MBOAT1: variants seen among roughly 807,000 people sequenced by gnomAD.
MBOAT1 encodes membrane-bound glycerophospholipid O-acyltransferase 1.
A neutral mutation model predicts 64.4 loss-of-function variants in MBOAT1; 67 were observed. The observed-to-expected ratio is 1.04, with a 90% confidence interval of 0.85 to 1.27. The LOEUF is 1.27. MBOAT1 is among the 50% of genes most tolerant of loss of function. The probability of loss-of-function intolerance (pLI) is 0.00; values close to 1 mark genes in which losing one functional copy is unlikely to be tolerated. For missense variants in MBOAT1, 563 were observed against 604.6 expected (o/e 0.93, Z 0.72); for synonymous variants, 229 against 218.9 (o/e 1.05, Z -0.41).
At chr6:20,183,069 C>G (rs1057393387) in intron 1 of MBOAT1, among the ~76,000 whole-genome samples, 3 of 152,176 alleles carry the variant, frequency 2.0e-5, no homozygotes, top group Non-Finnish European at 4.4e-5. Flanking sequence ...CTACTCCTCT[C>G]CAGAGAGGCC....
At chr6:20,108,231 C>T (rs1013099886) in intron 12 of MBOAT1, among the ~76,000 whole-genome samples, 3 of 152,200 alleles carry the variant, frequency 2.0e-5, no homozygotes, top group African/African-American at 4.8e-5. Flanking sequence ...ATTTCCAATG[C>T]TCAATGGCCA....
rs1759751744 is a variant in MBOAT1, at chr6:20,100,267, A to G, written c.*2019T>C. ...CTTCACTGTAATATGATTATTCCAC[A>G]TACTCCACACCAATGGTAATATTTA... On this transcript the variant is annotated 3_prime_UTR_variant, in exon 13 of 13. Coordinates refer to ENST00000324607, the MANE Select transcript of MBOAT1 (RefSeq NM_001080480.3). 6.6e-6 allele frequency among the ~76,000 whole-genome samples: 1 copy of G among 152,184 alleles called. No homozygotes were observed. The highest frequency in any genetic ancestry group is 1.9e-4 in the East Asian group (1 of 5,202).
intron 1 of MBOAT1, among the ~76,000 whole-genome samples, chr6:20,186,918 A>T (rs2113750293): frequency 6.6e-6 from 1 of 152,382 alleles, no homozygotes; most frequent in Middle Eastern, 3.4e-3. Context: ...AGCTTTAAGC[A>T]AAACCTACAG....
At chr6:20,107,794 A>C (rs112603565) in intron 12 of MBOAT1, among the ~76,000 whole-genome samples, 1,369 of 118,278 alleles carry the variant, frequency 0.012, 20 homozygotes, top group African/African-American at 0.052. Flanking sequence ...GGCTTACAGG[A>C]AAAAAAAAAA....
At chr6:20,187,457 C>A (rs1762685457) in intron 1 of MBOAT1, among the ~76,000 whole-genome samples, 2 of 152,226 alleles carry the variant, frequency 1.3e-5, no homozygotes, top group South Asian at 4.1e-4. Flanking sequence ...GGAGTGTGCC[C>A]CAGGGCAAGT....
intron 5 of MBOAT1, among the ~76,000 whole-genome samples, chr6:20,129,561 GAA>G (rs567181734): frequency 1.4e-5 from 2 of 140,048 alleles, no homozygotes; most frequent in African/African-American, 2.6e-5. Context: ...CACACACCAG[GAA>G]AAAAAAAAAA....
intron 4 of MBOAT1, among the ~76,000 whole-genome samples, chr6:20,143,286 C>T (rs1194155433): frequency 1.3e-5 from 2 of 152,214 alleles, no homozygotes; most frequent in Non-Finnish European, 2.9e-5. Context: ...CTCAGTTTTC[C>T]ATCCATAGTC....
chr6:20,116,108 G>T lies in MBOAT1; in HGVS notation c.1012-756C>A, dbSNP rs142048454. Among the ~76,000 whole-genome samples the T allele has an allele frequency of 2.5e-3, 375 of 152,222 alleles. 10 individuals are homozygous for T. The East Asian group carries it at 0.065, about 26-fold the overall frequency. On this transcript the variant is annotated intron_variant, in intron 9 of 12. Transcript: ENST00000324607. ...GCACTTTGGGAAGCCGAGGCAGGCC[G>T]ATCACCTGAGGTCAGGAGTTCAAGA...
At chr6:20,103,825 A>C (rs1759873938) in intron 12 of MBOAT1, among the ~76,000 whole-genome samples, 1 of 152,220 alleles carries the variant, frequency 6.6e-6, no homozygotes, top group African/African-American at 2.4e-5. Flanking sequence ...AGCTAAGGTT[A>C]ATTTATTATT....
intron 1 of MBOAT1, among the ~76,000 whole-genome samples, chr6:20,186,620 C>T (rs1762662664): frequency 6.6e-6 from 1 of 152,172 alleles, no homozygotes; most frequent in Admixed American, 6.5e-5. Flanking sequence ...CACTTTGGGG[C>T]AGAGTCCTGG....
intron 1 of MBOAT1, among the ~76,000 whole-genome samples, chr6:20,159,646 G>T (rs533986851): frequency 1.3e-5 from 2 of 152,174 alleles, no homozygotes; most frequent in Admixed American, 1.3e-4. Context: ...GGAAGAAAGG[G>T]GAGACATTGA....
intron 4 of MBOAT1, among the ~76,000 whole-genome samples, chr6:20,140,487 C>T (rs1044227681): frequency 2.6e-5 from 4 of 152,224 alleles, no homozygotes; most frequent in African/African-American, 9.6e-5. Context: ...GATCCACCCT[C>T]GTCAGTGTGG....
intron 2 of MBOAT1, 78 bp from the exon 3 acceptor site, chr6:20,151,340 A>C (rs1438180353): frequency 1.0e-6 from 1 of 994,514 alleles, no homozygotes; most frequent in Non-Finnish European, 1.6e-6. Flanking sequence ...AAAACTGTGA[A>C]TCCATCACTA....
chr6:20,193,624 T>TA (rs1176143654), intron 1 of MBOAT1, among the ~76,000 whole-genome samples: 4 of 149,316 alleles, frequency 2.7e-5, no homozygotes, highest in South Asian at 2.1e-4. Context: ...TTTTTTTTTT[T>TA]AAAGATGGAG....
chr6:20,177,444 T>C (rs1762374981), intron 1 of MBOAT1, among the ~76,000 whole-genome samples: 1 of 152,166 alleles, frequency 6.6e-6, no homozygotes, highest in South Asian at 2.1e-4. Context: ...TCCTCCTGCC[T>C]CAGTCTCCCA....
intron 3 of MBOAT1, among the ~76,000 whole-genome samples, chr6:20,150,049 T>C (rs903271199): frequency 6.6e-6 from 1 of 152,166 alleles, no homozygotes; most frequent in African/African-American, 2.4e-5. Flanking sequence ...TTTGTTTTCA[T>C]AGAACTTACA....
At position 20,126,647 on chromosome 6, in the gene MBOAT1, A is replaced by G. The variant is rs779473065; in HGVS notation, c.584T>C (p.Val195Ala). ...YLSYLLNFMS[V>A]IAGPCNNFKD... ...GAAATTGTTACAAGGACCAGCTATG[A>G]CACTCATGAAATTGAGAAGGTAACT... Residue 195 changes from valine (V) to alanine (A), a missense_variant, in exon 7 of 13, where the codon GTC becomes GCC. By Grantham distance (64) the Val-to-Ala change is moderately conservative. Transcript: ENST00000324607. 6.2e-6 allele frequency: 10 copies of G among 1,613,452 alleles called. No individual in the cohort carries two copies. The highest frequency in any genetic ancestry group is 1.6e-4 in the Middle Eastern group (1 of 6,084).
At chr6:20,130,659 C>T (rs1273225754) in intron 5 of MBOAT1, among the ~76,000 whole-genome samples, 1 of 151,798 alleles carries the variant, frequency 6.6e-6, no homozygotes, top group East Asian at 1.9e-4. Flanking sequence ...GGCCCCTTTC[C>T]CAGCTTTTTA....
At chr6:20,136,343 C>A (rs1760990185) in intron 4 of MBOAT1, among the ~76,000 whole-genome samples, 1 of 152,190 alleles carries the variant, frequency 6.6e-6, no homozygotes, top group Non-Finnish European at 1.5e-5. Context: ...ACAACAAAAT[C>A]ACCAATTCTC....
Sources: allele counts gnomAD v4.1 joint callset (sites outside exome capture counted in the v4.1 genomes callset), GRCh38; gene constraint gnomAD v4.1.1; transcripts MANE v1.5; gene names NCBI Gene and HGNC (gene_info 2026-07-23, HGNC 2026-07-21).